The following ITPR1 variants were observed in gnomAD, a reference collection of about 807,000 sequenced individuals.
ITPR1 encodes inositol 1,4,5-trisphosphate-gated calcium channel ITPR1.
ITPR1 carries 96 observed loss-of-function variants against 318.4 expected under a neutral mutation model. That is an observed-to-expected ratio of 0.30 (90% CI 0.26 to 0.36). The LOEUF is 0.36. Ranked by LOEUF, ITPR1 falls within the 10% of genes least tolerant of loss-of-function variation. The pLI is 1.00. For missense variants in ITPR1, 2,440 were observed against 3,460.2 expected (o/e 0.71, Z 7.40); for synonymous variants, 1,312 against 1,289.9 (o/e 1.02, Z -0.37).
Position 4,658,124 on chromosome 3 carries a change from G to A in ITPR1, c.997G>A (p.Val333Met). ...TGATTTGGTGACTTTACCTCCTCAG[G>A]TGGACCCTGATCAGGACGCCTCTCG... is the stretch of plus-strand genomic sequence containing the variant. ...EEECLEFQPSVDPDQDASRSR... is the reference protein window; with the variant it reads ...EEECLEFQPSMDPDQDASRSR... The change falls in exon 13 of 62, where the codon GTG becomes ATG. Residue 333 changes from valine to methionine, a missense_variant and splice_region_variant. By Grantham distance (21) the Val-to-Met change is conservative. Transcript: ENST00000649015. The A allele has an allele frequency of 3.1e-6, 5 of 1,610,552 alleles. No homozygotes were observed. The highest frequency in any genetic ancestry group is 1.7e-6 in the Non-Finnish European group (2 of 1,177,702).
intron 10 of ITPR1, among the ~76,000 whole-genome samples, chr3:4,647,218 T>A (rs2093478474): frequency 6.6e-6 from 1 of 152,198 alleles, no homozygotes; most frequent in African/African-American, 2.4e-5. Flanking sequence ...TTCTTGCATG[T>A]ATCAGATTAA....
chr3:4,619,798 C>T (rs1369183410), intron 4 of ITPR1, among the ~76,000 whole-genome samples: 20 of 133,270 alleles, frequency 1.5e-4, no homozygotes, highest in Non-Finnish European at 2.6e-4. Context: ...CTGCCCTCCC[C>T]TGCTCTCCTC....
chr3:4,586,742 A>G (rs931868485), intron 4 of ITPR1, among the ~76,000 whole-genome samples: 1 of 145,518 alleles, frequency 6.9e-6, no homozygotes, highest in Admixed American at 6.8e-5. Context: ...TTTTTTTTTT[A>G]ATACAACTAG....
chr3:4,547,532 G>T (rs2085140622), intron 4 of ITPR1, among the ~76,000 whole-genome samples: 1 of 152,176 alleles, frequency 6.6e-6, no homozygotes, highest in Non-Finnish European at 1.5e-5. Context: ...AGGGCGGTAG[G>T]GTGGCACGGT....
chr3:4,571,531 G>A (rs1357135632), intron 4 of ITPR1, among the ~76,000 whole-genome samples: 1 of 152,010 alleles, frequency 6.6e-6, no homozygotes. Context: ...ATGTAGAACT[G>A]CTACATTGCC....
At chr3:4,517,734 TC>T (rs1478443203) in intron 3 of ITPR1, among the ~76,000 whole-genome samples, 1 of 152,200 alleles carries the variant, frequency 6.6e-6, no homozygotes, top group Non-Finnish European at 1.5e-5. Flanking sequence ...CAATTTATCT[TC>T]TGTGGCTTTT....
At chr3:4,537,505 A>T (rs1279132564) in intron 4 of ITPR1, among the ~76,000 whole-genome samples, 1 of 152,224 alleles carries the variant, frequency 6.6e-6, no homozygotes, top group Non-Finnish European at 1.5e-5. Flanking sequence ...ACCTGTGAAT[A>T]TGTTACCTCA....
chr3:4,514,503 C>T (rs1251146245), intron 2 of ITPR1, among the ~76,000 whole-genome samples: 3 of 152,092 alleles, frequency 2.0e-5, no homozygotes, highest in Non-Finnish European at 1.5e-5. Flanking sequence ...ATCCAGGTGG[C>T]GGTGATGGTT....
intron 6 of ITPR1, among the ~76,000 whole-genome samples, chr3:4,641,540 T>C (rs918058835): frequency 6.6e-6 from 1 of 152,114 alleles, no homozygotes; most frequent in African/African-American, 2.4e-5. Flanking sequence ...CCACACTTGG[T>C]TAATTTTAAA....
At chr3:4,739,214 C>T (rs138319342) in intron 44 of ITPR1, among the ~76,000 whole-genome samples, 1 of 152,188 alleles carries the variant, frequency 6.6e-6, no homozygotes, top group Non-Finnish European at 1.5e-5. Context: ...GTGAGCCTGA[C>T]TTGGGCTAAG....
intron 49 of ITPR1, among the ~76,000 whole-genome samples, chr3:4,780,451 G>A (rs2046754265): frequency 6.6e-6 from 1 of 152,218 alleles, no homozygotes; most frequent in African/African-American, 2.4e-5. Context: ...GTGACTTGCA[G>A]GTTGGGAGAG....
chr3:4,569,164 G>A (rs73807293), intron 4 of ITPR1, among the ~76,000 whole-genome samples: 4,211 of 152,214 alleles, frequency 0.028, 197 homozygotes, highest in African/African-American at 0.094. Context: ...TCTTCAAGGC[G>A]CATGGACTTT....
At chr3:4,811,552 A>G (rs192306800) in intron 56 of ITPR1, 92 bp downstream of exon 56, 1 of 970,254 alleles carries the variant, frequency 1.0e-6, no homozygotes, top group South Asian at 1.6e-5. Context: ...AGTAATGCAG[A>G]TATCTCCCCA....
At chr3:4,707,591 A>G (rs565324292) in intron 37 of ITPR1, among the ~76,000 whole-genome samples, 7 of 152,176 alleles carry the variant, frequency 4.6e-5, no homozygotes, top group African/African-American at 1.7e-4. Flanking sequence ...ACTCCAGTTC[A>G]GGGGGAGGGA....
chr3:4,539,546 T>C (rs1331816395), intron 4 of ITPR1, among the ~76,000 whole-genome samples: 1 of 152,154 alleles, frequency 6.6e-6, no homozygotes, highest in African/African-American at 2.4e-5. Context: ...TGCATGAATT[T>C]GTGTATATGT....
chr3:4,586,588 C>T (rs967117892), intron 4 of ITPR1, among the ~76,000 whole-genome samples: 6 of 149,856 alleles, frequency 4.0e-5, no homozygotes, highest in Non-Finnish European at 8.9e-5. Flanking sequence ...TGGCTCCCTG[C>T]AGCTTTGACC....
At chr3:4,753,971 C>T (rs886518247) in intron 44 of ITPR1, among the ~76,000 whole-genome samples, 8 of 147,718 alleles carry the variant, frequency 5.4e-5, no homozygotes, top group African/African-American at 2.5e-5. Flanking sequence ...CACCCCTATG[C>T]GTATGTTTCT....
rs776186202 is a variant in ITPR1, at chr3:4,836,638, A to T, written c.8029-136A>T. The stretch of plus-strand genomic sequence containing the variant: ...GAGCAATTAAAAAAATACACAGCAC[A>T]TAAGTTCTGCCATAGAAGGAGATAA... On this transcript the variant is annotated intron_variant, in intron 60 of 61. Coordinates refer to ENST00000649015, the MANE Select transcript of ITPR1 (RefSeq NM_001378452.1). 8.1e-6 allele frequency: 7 copies of T among 862,784 alleles called. No individual in the cohort carries two copies. In the Admixed American group the frequency reaches 1.5e-4, roughly 18 times the overall value. The allele number at this position is 862,784 out of a possible 1,614,324, so 53.4% of individuals were successfully genotyped here.
chr3:4,592,053 C>T (rs550283099), intron 4 of ITPR1, among the ~76,000 whole-genome samples: 4 of 152,222 alleles, frequency 2.6e-5, no homozygotes, highest in Admixed American at 6.5e-5. Context: ...AGGTTAATTC[C>T]GAGCTGGGGT....
Sources: gnomAD v4.1 joint callset for allele counts (sites outside exome capture counted in the v4.1 genomes callset) on GRCh38, gnomAD v4.1.1 for gene constraint, MANE v1.5 for transcripts, NCBI Gene and HGNC (gene_info 2026-07-23, HGNC 2026-07-21) for gene names.